The following PDZRN3 variants were observed in gnomAD, a reference collection of about 807,000 sequenced individuals.
PDZRN3 encodes PDZ domain containing ring finger 3.
A neutral mutation model predicts 85.7 loss-of-function variants in PDZRN3; 38 were observed. The ratio of observed to expected loss-of-function variants is 0.44; its 90% CI spans 0.34 to 0.58. The LOEUF is 0.58. Ranked by LOEUF, PDZRN3 falls within the 20% of genes least tolerant of loss-of-function variation. The pLI is 0.01. For synonymous variants in PDZRN3, 759 were observed against 638.0 expected, an observed-to-expected ratio of 1.19 and a Z score of -2.86; for missense variants, 1,629 against 1,506.4, an observed-to-expected ratio of 1.08 and a Z score of -1.35.
At chr3:73,547,085 C>A (rs1170804617) in intron 3 of PDZRN3, among the ~76,000 whole-genome samples, 1 of 152,216 alleles carries the variant, frequency 6.6e-6, no homozygotes, top group South Asian at 2.1e-4. Flanking sequence ...TTCCTTCCAC[C>A]CCACTCACGA....
chr3:73,515,889 C>T (rs932754584), intron 3 of PDZRN3, among the ~76,000 whole-genome samples: 2 of 152,200 alleles, frequency 1.3e-5, no homozygotes, highest in Non-Finnish European at 2.9e-5. Context: ...TATGCACATA[C>T]CTAAAACAAC....
intron 3 of PDZRN3, among the ~76,000 whole-genome samples, chr3:73,599,501 T>C (rs1702479259): frequency 6.6e-6 from 1 of 152,324 alleles, no homozygotes; most frequent in East Asian, 1.9e-4. Context: ...AGATGGATGG[T>C]GGTACTGGTT....
intron 3 of PDZRN3, among the ~76,000 whole-genome samples, chr3:73,596,230 C>T (rs1702428501): frequency 6.6e-6 from 1 of 152,116 alleles, no homozygotes; most frequent in Non-Finnish European, 1.5e-5. Context: ...GAGGAAGAGA[C>T]AGACAGATAA....
At chr3:73,522,715 C>A (rs1480938651) in intron 3 of PDZRN3, among the ~76,000 whole-genome samples, 1 of 152,142 alleles carries the variant, frequency 6.6e-6, no homozygotes, top group African/African-American at 2.4e-5. Context: ...GGATTATAGG[C>A]ATAAGCCACC....
chr3:73,389,033 A>G (rs1338336364), intron 7 of PDZRN3, among the ~76,000 whole-genome samples: 2 of 151,418 alleles, frequency 1.3e-5, no homozygotes. Context: ...GATCCTGAGC[A>G]GCACAGGTTC....
intron 3 of PDZRN3, among the ~76,000 whole-genome samples, chr3:73,446,596 C>T (rs1427980262): frequency 6.6e-6 from 1 of 152,170 alleles, no homozygotes; most frequent in Non-Finnish European, 1.5e-5. Context: ...TTACAGAATA[C>T]TCACTACACT....
intron 3 of PDZRN3, among the ~76,000 whole-genome samples, chr3:73,489,841 G>A (rs897070861): frequency 2.0e-5 from 3 of 151,944 alleles, no homozygotes; most frequent in African/African-American, 7.3e-5. Context: ...CAAAGTGCTG[G>A]GATTCCAGGC....
At chr3:73,528,957 T>A (rs543558214) in intron 3 of PDZRN3, among the ~76,000 whole-genome samples, 111 of 149,234 alleles carry the variant, frequency 7.4e-4, no homozygotes, top group African/African-American at 2.6e-3. Context: ...AACAAAAAAA[T>A]CACTAACCCA....
At chr3:73,484,581 A>G (rs1703629757) in intron 3 of PDZRN3, among the ~76,000 whole-genome samples, 1 of 152,248 alleles carries the variant, frequency 6.6e-6, no homozygotes, top group East Asian at 1.9e-4. Context: ...AGGAAAGAAA[A>G]GAAAGCTGCA....
At chr3:73,591,010 C>G (rs1446518111) in intron 3 of PDZRN3, among the ~76,000 whole-genome samples, 1 of 152,152 alleles carries the variant, frequency 6.6e-6, no homozygotes, top group Non-Finnish European at 1.5e-5. Flanking sequence ...CCTGAATGAT[C>G]AAACTGATAT....
At chr3:73,428,306 C>T (rs1240026975) in intron 3 of PDZRN3, among the ~76,000 whole-genome samples, 1 of 152,230 alleles carries the variant, frequency 6.6e-6, no homozygotes, top group Non-Finnish European at 1.5e-5. Context: ...TGTGTCCCCT[C>T]TGTTCCACAT....
intron 3 of PDZRN3, among the ~76,000 whole-genome samples, chr3:73,481,172 C>T (rs4263231): frequency 0.61 from 92,186 of 151,950 alleles, 28,372 homozygotes; most frequent in East Asian, 0.87. Context: ...TGGCTCTGAG[C>T]CCTCTGACAC....
intron 3 of PDZRN3, among the ~76,000 whole-genome samples, chr3:73,498,819 G>A (rs772100283): frequency 1.3e-5 from 2 of 152,104 alleles, no homozygotes; most frequent in Admixed American, 6.5e-5. Context: ...TCCTGACTTC[G>A]TGATCCACCT....
intron 3 of PDZRN3, among the ~76,000 whole-genome samples, chr3:73,576,593 C>T (rs1051345454): frequency 1.3e-5 from 2 of 152,298 alleles, no homozygotes; most frequent in South Asian, 2.1e-4. Flanking sequence ...CCCCTAAGTA[C>T]TAGGAAATTT....
chr3:73,624,306 G>A lies in PDZRN3; in HGVS notation c.520C>T (p.Gln174Ter). 2 of 1,330,882 alleles carry A rather than the reference G, an allele frequency of 1.5e-6. No homozygotes were observed. Among genetic ancestry groups the A allele is most frequent in the Non-Finnish European group, 1.9e-6 (2 of 1,048,452 alleles). The allele number at this position is 1,330,882 out of a possible 1,614,324, so 82.4% of individuals were successfully genotyped here. A position where few individuals can be genotyped will look rare whatever the true frequency, so the allele number is the denominator to read the frequency against. Residue 174 changes from glutamine (Q) to a stop codon, truncating the protein, a stop_gained, in exon 1 of 10, where the codon CAG becomes TAG. Coordinates refer to ENST00000263666, the MANE Select transcript of PDZRN3 (RefSeq NM_015009.3). LOFTEE classifies it high-confidence loss of function. ...RALRAHNGAL[Q>*]ARLGALHKAL... ...TTGTGCAGCGCGCCCAGGCGGGCCT[G>A]GAGCGCGCCGTTGTGCGCCCGCAGC... is the stretch of plus-strand genomic sequence containing the variant.
At chr3:73,482,335 C>T (rs1474860710) in intron 3 of PDZRN3, among the ~76,000 whole-genome samples, 1 of 152,172 alleles carries the variant, frequency 6.6e-6, no homozygotes, top group Non-Finnish European at 1.5e-5. Flanking sequence ...ACCCTGGGCC[C>T]ATCCTTAAAG....
chr3:73,543,005 A>T (rs1190071709), intron 3 of PDZRN3, among the ~76,000 whole-genome samples: 2 of 152,006 alleles, frequency 1.3e-5, no homozygotes, highest in Non-Finnish European at 2.9e-5. Context: ...GACACTCCAC[A>T]CTCTATTTGG....
chr3:73,516,466 G>A (rs1704257800), intron 3 of PDZRN3, among the ~76,000 whole-genome samples: 1 of 152,116 alleles, frequency 6.6e-6, no homozygotes, highest in Admixed American at 6.6e-5. Context: ...CTTTTCACAT[G>A]TCTATTGATT....
At chr3:73,426,185 A>G (rs190330899) in intron 3 of PDZRN3, among the ~76,000 whole-genome samples, 185 of 152,264 alleles carry the variant, frequency 1.2e-3, no homozygotes, top group Middle Eastern at 0.01. Context: ...ATGCATATGT[A>G]TACATTATGT....
Sources: allele counts gnomAD v4.1 joint callset (sites outside exome capture counted in the v4.1 genomes callset), GRCh38; gene constraint gnomAD v4.1.1; transcripts MANE v1.5; gene names NCBI Gene and HGNC (gene_info 2026-07-23, HGNC 2026-07-21).